Variants in PI4KB observed in about 807,000 individuals in gnomAD.
PI4KB encodes phosphatidylinositol 4-kinase beta.
In PI4KB, 23 loss-of-function variants were observed where a neutral mutation model predicts 81.4. The ratio of observed to expected loss-of-function variants is 0.28; its 90% CI spans 0.20 to 0.40. The LOEUF is 0.40. Ranked by LOEUF, PI4KB falls within the 10% of genes least tolerant of loss-of-function variation. The pLI, the probability that PI4KB is intolerant of heterozygous loss-of-function variation, is 1.00. For missense variants in PI4KB, 651 were observed against 1,036.6 expected (o/e 0.63, Z 5.11); for synonymous variants, 381 against 406.8 (o/e 0.94, Z 0.76).
At position 151,312,043 on chromosome 1, in the gene PI4KB, C is replaced by T. The variant is rs183044184; in HGVS notation, c.910-1788G>A. On this transcript the variant is annotated intron_variant, in intron 2 of 11. Transcript: ENST00000368873. ...GACAAACTGCCTGGGCAGAGTTCCC[C>T]GACTAGGCTGATAAAATGGCTTTGA... Among the ~76,000 whole-genome samples, 4 of 152,316 alleles carry T rather than the reference C, an allele frequency of 2.6e-5. 1 individual carries two copies. The highest frequency in any genetic ancestry group is 6.8e-3 in the Middle Eastern group (2 of 294).
chr1:151,317,653 G>C (rs1206911489), intron 1 of PI4KB, among the ~76,000 whole-genome samples: 1 of 152,114 alleles, frequency 6.6e-6, no homozygotes, highest in African/African-American at 2.4e-5. Context: ...AAGCAAGTCA[G>C]GTGTTACTCC....
intron 1 of PI4KB, among the ~76,000 whole-genome samples, chr1:151,317,104 C>A (rs574465148): frequency 1.3e-5 from 2 of 150,966 alleles, no homozygotes; most frequent in Admixed American, 6.6e-5. Flanking sequence ...GGATTACAGG[C>A]GTGAGCCACT....
At position 151,307,688 on chromosome 1, in the gene PI4KB, G is replaced by T. The variant is rs1329197104; in HGVS notation, c.1068C>A (p.Leu356=). ...CAGGGAGCTTATGGTTGAGCAGGGA[G>T]AGCTCTGAGATCAGCCTCTGTGTTT... ...EQKTQRLISE[L]SLLNHKLPAR... The change falls in exon 4 of 12, where the codon CTC becomes CTA. Residue 356 remains leucine (L), a synonymous_variant. Transcript: ENST00000368873. 1.2e-6 allele frequency: 2 copies of T among 1,614,208 alleles called. No homozygotes were observed. Among genetic ancestry groups the T allele is most frequent in the South Asian group, 2.2e-5 (2 of 91,082 alleles).
At position 151,298,133 on chromosome 1, in the gene PI4KB, C is replaced by T. The variant is rs143506937; in HGVS notation, c.2015+675G>A. Among the ~76,000 whole-genome samples the T allele has an allele frequency of 5.3e-5, 8 of 152,332 alleles. No individual in the cohort carries two copies. In the East Asian group the frequency reaches 1.5e-3, roughly 29 times the overall value. ...ACAGCTCTGGGCAAAACAACAGATA[C>T]TTAAAAGCTGTGGAAATCATATGCT... On this transcript the variant is annotated intron_variant, in intron 9 of 11. Coordinates refer to ENST00000368873, the MANE Select transcript of PI4KB (RefSeq NM_001369623.2).
chr1:151,316,990 T>C (rs1414103371), intron 1 of PI4KB, among the ~76,000 whole-genome samples: 2 of 151,912 alleles, frequency 1.3e-5, no homozygotes, highest in Non-Finnish European at 2.9e-5. Context: ...GTCCAGCTAA[T>C]TTTGTTTTGT....
chr1:151,318,635 C>T (rs1290737600), intron 1 of PI4KB, among the ~76,000 whole-genome samples: 1 of 152,042 alleles, frequency 6.6e-6, no homozygotes, highest in Non-Finnish European at 1.5e-5. Flanking sequence ...TCGCTTGAAC[C>T]CGGGAGGCAG....
chr1:151,300,763 T>C (rs1205137983), intron 8 of PI4KB: 5 of 152,258 alleles, frequency 3.3e-5, no homozygotes, highest in African/African-American at 1.2e-4. Context: ...ACCTGCTCCA[T>C]TTCCGACCTG....
chr1:151,293,637 C>G (rs942210219), intron 11 of PI4KB: 5 of 313,474 alleles, frequency 1.6e-5, no homozygotes, highest in Non-Finnish European at 2.5e-5. Context: ...CTTCTCAGAG[C>G]TGAAGGGTGG....
chr1:151,303,641 C>A lies in PI4KB; in HGVS notation c.1420G>T (p.Val474Leu), dbSNP rs1429267959. ...ATGTTGTCACAGCTGTTGGTATGCA[C>A]TTCGGGGAGCTGGAGAAAGGGGAGT... Reference protein sequence around the residue: ...IGELQVELPEVHTNSCDNISQ... With the variant: ...IGELQVELPELHTNSCDNISQ... Residue 474 changes from valine to leucine, a missense_variant, in exon 6 of 12, where the codon GTG (valine) becomes TTG (leucine). This residue lies in a region of PI4KB where 246 missense variants were observed against 430.1 expected (regional missense o/e 0.57). Coordinates refer to ENST00000368873, the MANE Select transcript of PI4KB (RefSeq NM_001369623.2). 6.2e-7 allele frequency: 1 copy of A among 1,612,164 alleles called. No homozygotes were observed.
chr1:151,293,920 C>T, intron 11 of PI4KB, 98 bp downstream of exon 11: 1 of 1,379,876 alleles, frequency 7.2e-7, no homozygotes, highest in South Asian at 1.3e-5. Context: ...CCCCCTCCCT[C>T]AACCGAGTCT....
intron 1 of PI4KB, among the ~76,000 whole-genome samples, chr1:151,321,047 C>T (rs1648776512): frequency 6.6e-6 from 1 of 152,220 alleles, no homozygotes; most frequent in African/African-American, 2.4e-5. Flanking sequence ...GATACTATCA[C>T]CTCTTTTATC....
chr1:151,315,238 A>C (rs975421089), intron 2 of PI4KB, among the ~76,000 whole-genome samples: 1 of 152,048 alleles, frequency 6.6e-6, no homozygotes. Flanking sequence ...CAGCCTCCCA[A>C]AGTGCTGGGA....
chr1:151,316,376 C>G lies in PI4KB; in HGVS notation c.106G>C (p.Gly36Arg), dbSNP rs753268967. ...TCAATCACTGATAGTTCCCCGACCC[C>G]CTCCGTGATGACACTTAGCAGGGAC... is the stretch of plus-strand genomic sequence containing the variant. Reference protein sequence around the residue: ...GGSLLSVITEGVGELSVIDPE... With the variant: ...GGSLLSVITERVGELSVIDPE... The change falls in exon 2 of 12, where the codon GGG becomes CGG. Residue 36 changes from glycine to arginine, a missense_variant. Physicochemically the swap from Gly to Arg is moderately radical, Grantham distance 125. This residue lies in a region of PI4KB where 314 missense variants were observed against 397.8 expected (regional missense o/e 0.79). Coordinates refer to ENST00000368873, the MANE Select transcript of PI4KB (RefSeq NM_001369623.2). 1.9e-6 allele frequency: 3 copies of G among 1,608,126 alleles called. No individual in the cohort carries two copies. In the South Asian group the frequency reaches 3.3e-5, roughly 18 times the overall value.
rs371804724 is a variant in PI4KB at position 151,324,945 on chromosome 1, A to G, written c.-29+2326T>C. ...AAGAAGAAAGCAGGGAAATGAGAGG[A>G]AATATGATTTCTGGTTGGGGATGCT... On this transcript the variant is annotated intron_variant, in intron 1 of 11. Transcript: ENST00000368873. 2.1e-4 allele frequency: 200 copies of G among 968,168 alleles called. No individual in the cohort carries two copies. The African/African-American group carries it at 3.4e-3, about 16-fold the overall frequency. The allele number at this position is 968,168 out of a possible 1,614,324, so 60.0% of individuals were successfully genotyped here. A position where few individuals can be genotyped will look rare whatever the true frequency, so the allele number is the denominator to read the frequency against.
At chr1:151,310,153 A>G in intron 3 of PI4KB, 58 bp downstream of exon 3, 1 of 1,259,246 alleles carries the variant, frequency 7.9e-7, no homozygotes, top group South Asian at 1.2e-5. Flanking sequence ...CTGGGGACGG[A>G]GAGGAAATGC....
chr1:151,326,834 C>A (rs1295828146), intron 1 of PI4KB, among the ~76,000 whole-genome samples: 2 of 151,946 alleles, frequency 1.3e-5, no homozygotes, highest in Admixed American at 1.3e-4. Flanking sequence ...GAACCCAGTG[C>A]TGGAGTTGCA....
In PI4KB at chr1:151,301,930, T is replaced by C. The variant is rs267598012; in HGVS notation, c.1663A>G (p.Asn555Asp). The change falls in exon 8 of 12, where the codon AAT becomes GAT. Residue 555 changes from asparagine to aspartate, a missense_variant. Around this residue, in one of 5 missense-constraint regions of PI4KB, gnomAD observed 246 missense variants for 430.1 expected, o/e 0.57. Coordinates refer to ENST00000368873, the MANE Select transcript of PI4KB (RefSeq NM_001369623.2). ...REGSPYGHLPNWRLLSVIVKC... is the reference protein window; with the variant it reads ...REGSPYGHLPDWRLLSVIVKC... ...ACAATGACTGACAGGAGCCGCCAAT[T>C]GGGGAGATGGCCGTAGGGGGAGCCC... The C allele has an allele frequency of 1.9e-6, 3 of 1,613,928 alleles. No individual in the cohort carries two copies. In the South Asian group the frequency reaches 3.3e-5, roughly 18 times the overall value.
chr1:151,306,652 G>A (rs746825287), intron 4 of PI4KB, among the ~76,000 whole-genome samples: 1 of 152,242 alleles, frequency 6.6e-6, no homozygotes, highest in African/African-American at 2.4e-5. Flanking sequence ...ATTACAGGCT[G>A]TAAGGGAGGC....
At chr1:151,323,822 C>CT (rs1051585390) in intron 1 of PI4KB, among the ~76,000 whole-genome samples, 56 of 152,202 alleles carry the variant, frequency 3.7e-4, no homozygotes, top group African/African-American at 1.3e-3. Flanking sequence ...CTTCAGAACA[C>CT]TGAGATAATT....
Sources: gnomAD v4.1 joint callset for allele counts (sites outside exome capture counted in the v4.1 genomes callset) on GRCh38, gnomAD v4.1.1 for gene constraint, gnomAD v4.1.1 regional missense constraint, MANE v1.5 for transcripts, NCBI Gene and HGNC (gene_info 2026-07-23, HGNC 2026-07-21) for gene names.